NR2F1-AS1: variants seen among roughly 807,000 people sequenced by gnomAD.
NR2F1-AS1 encodes NR2F1 regulatory antisense RNA 1, also known as NR2F1 antisense RNA 1.
chr5:93,495,834 T>C (rs1750948981), intron 4 of NR2F1-AS1, among the ~76,000 whole-genome samples: 1 of 152,142 alleles, frequency 6.6e-6, no homozygotes, highest in South Asian at 2.1e-4. Context: ...TCACTAGTTA[T>C]CGCTTATTTT....
At chr5:93,560,385 T>G (rs1293928096) in intron 2 of NR2F1-AS1, among the ~76,000 whole-genome samples, 2 of 152,220 alleles carry the variant, frequency 1.3e-5, no homozygotes, top group Non-Finnish European at 2.9e-5. Flanking sequence ...TAAAACTATT[T>G]GTCAAAACTC....
upstream of NR2F1-AS1, chr5:93,580,864 A>C (rs1038177337): frequency 2.6e-5 from 4 of 152,294 alleles, no homozygotes; most frequent in African/African-American, 7.2e-5. Context: ...TGCTACCCCC[A>C]GTCGCCTCCT....
At chr5:93,520,633 T>A (rs1484806136) in intron 4 of NR2F1-AS1, among the ~76,000 whole-genome samples, 3 of 152,096 alleles carry the variant, frequency 2.0e-5, no homozygotes, top group African/African-American at 7.2e-5. Context: ...TGTTCTCAAG[T>A]AGATTTGTAC....
intron 4 of NR2F1-AS1, among the ~76,000 whole-genome samples, chr5:93,541,434 T>C (rs1343147194): frequency 2.6e-5 from 4 of 152,206 alleles, no homozygotes; most frequent in Non-Finnish European, 5.9e-5. Context: ...CTAATCCTGA[T>C]AGCTGTGGTC....
intron 4 of NR2F1-AS1, among the ~76,000 whole-genome samples, chr5:93,420,536 G>C (rs887358204): frequency 1.3e-5 from 2 of 152,162 alleles, no homozygotes; most frequent in African/African-American, 4.8e-5. Context: ...GACAAGTCAA[G>C]AAGAATTGAA....
intron 1 of NR2F1-AS1, among the ~76,000 whole-genome samples, chr5:93,574,386 T>TA (rs1400581675): frequency 1.3e-5 from 2 of 152,152 alleles, no homozygotes; most frequent in Non-Finnish European, 2.9e-5. Flanking sequence ...AACCTTTATT[T>TA]AAAAAATTAG....
chr5:93,451,747 G>A (rs1749836059), intron 4 of NR2F1-AS1, among the ~76,000 whole-genome samples: 1 of 152,090 alleles, frequency 6.6e-6, no homozygotes, highest in Admixed American at 6.6e-5. Context: ...CCCTACCACT[G>A]AGCACATTTC....
At chr5:93,486,299 T>G (rs568432465) in intron 4 of NR2F1-AS1, among the ~76,000 whole-genome samples, 1 of 151,122 alleles carries the variant, frequency 6.6e-6, no homozygotes, top group African/African-American at 2.4e-5. Flanking sequence ...AAAAAGTCAG[T>G]GAATCCAGGA....
intron 4 of NR2F1-AS1, among the ~76,000 whole-genome samples, chr5:93,461,946 A>G (rs1750104050): frequency 6.6e-6 from 1 of 152,202 alleles, no homozygotes; most frequent in African/African-American, 2.4e-5. Context: ...CAAAATGAGT[A>G]AAACTTACTC....
At chr5:93,425,249 G>T (rs1011376764) in intron 4 of NR2F1-AS1, among the ~76,000 whole-genome samples, 2 of 152,168 alleles carry the variant, frequency 1.3e-5, no homozygotes, top group African/African-American at 4.8e-5. Context: ...GGTAGTAGAT[G>T]ATCTCACTCG....
chr5:93,577,625 T>C (rs1222019879), intron 1 of NR2F1-AS1, among the ~76,000 whole-genome samples: 1 of 152,246 alleles, frequency 6.6e-6, no homozygotes, highest in Non-Finnish European at 1.5e-5. Flanking sequence ...CTCCACCCTT[T>C]CTTCCAAAAG....
At chr5:93,502,579 C>A (rs987197816) in intron 4 of NR2F1-AS1, among the ~76,000 whole-genome samples, 9 of 152,024 alleles carry the variant, frequency 5.9e-5, no homozygotes, top group African/African-American at 2.2e-4. Flanking sequence ...AACTGAGGTA[C>A]CTGAATAAAA....
chr5:93,541,110 A>C lies in NR2F1-AS1; in HGVS notation n.638+12651T>G, dbSNP rs181406836. 5.3e-5 allele frequency among the ~76,000 whole-genome samples: 8 copies of C among 152,270 alleles called. No individual in the cohort carries two copies. In the East Asian group the frequency reaches 1.5e-3, roughly 29 times the overall value. On this transcript the variant is annotated intron_variant and non_coding_transcript_variant, in intron 4 of 5. Coordinates refer to ENST00000660523, the Ensembl canonical transcript of NR2F1-AS1. The stretch of plus-strand genomic sequence containing the variant: ...CTTGTATTTGAGTTAATTTTGACTG[A>C]GGTAAGAAATACACAACTGCTTTAA...
At chr5:93,443,623 G>C (rs1381413060) in intron 4 of NR2F1-AS1, among the ~76,000 whole-genome samples, 1 of 152,138 alleles carries the variant, frequency 6.6e-6, no homozygotes, top group Non-Finnish European at 1.5e-5. Flanking sequence ...TGGAAAACAT[G>C]CTTCAGGATA....
intron 4 of NR2F1-AS1, among the ~76,000 whole-genome samples, chr5:93,516,065 A>C (rs905234578): frequency 3.3e-5 from 5 of 151,956 alleles, no homozygotes; most frequent in African/African-American, 1.2e-4. Context: ...ACTGCGCAAA[A>C]AATGAATGAA....
chr5:93,560,754 T>C (rs1459128831), intron 2 of NR2F1-AS1, among the ~76,000 whole-genome samples: 1 of 152,246 alleles, frequency 6.6e-6, no homozygotes, highest in African/African-American at 2.4e-5. Flanking sequence ...ATTTAAATAA[T>C]GCAAAACCTA....
At chr5:93,462,753 A>C (rs1376945527) in intron 4 of NR2F1-AS1, among the ~76,000 whole-genome samples, 3 of 152,192 alleles carry the variant, frequency 2.0e-5, no homozygotes, top group African/African-American at 7.2e-5. Flanking sequence ...GACCCTTGCT[A>C]TATTTTAGCA....
intron 4 of NR2F1-AS1, among the ~76,000 whole-genome samples, chr5:93,482,148 G>C (rs891849648): frequency 1.3e-5 from 2 of 152,042 alleles, no homozygotes; most frequent in African/African-American, 4.8e-5. Context: ...AGAAATTATC[G>C]GGGTGGCTAG....
intron 1 of NR2F1-AS1, among the ~76,000 whole-genome samples, chr5:93,574,876 C>G (rs190528166): frequency 1.1e-3 from 173 of 152,266 alleles, no homozygotes; most frequent in African/African-American, 3.9e-3. Context: ...CAGGGCGGCT[C>G]CTATGCTCCT....
Sources: gnomAD v4.1 joint callset for allele counts (sites outside exome capture counted in the v4.1 genomes callset) on GRCh38, gnomAD v4.1.1 for gene constraint, MANE v1.5 for transcripts, NCBI Gene and HGNC (gene_info 2026-07-23, HGNC 2026-07-21) for gene names.